Variants in NFATC1 observed in about 807,000 individuals in gnomAD.
NFATC1 encodes nuclear factor of activated T-cells, cytoplasmic 1.
In NFATC1, 22 loss-of-function variants were observed where a neutral mutation model predicts 76.0. That is an observed-to-expected ratio of 0.29 (90% confidence interval 0.21 to 0.41). NFATC1 has a LOEUF of 0.41. Ranked by LOEUF, NFATC1 falls within the 10% of genes least tolerant of loss-of-function variation. The pLI is 1.00. For synonymous variants in NFATC1, 704 were observed against 613.1 expected (o/e 1.15, Z -2.19); for missense variants, 1,357 against 1,337.7 (o/e 1.01, Z -0.23).
At chr18:79,490,468 G>A (rs2089646336) in intron 9 of NFATC1, among the ~76,000 whole-genome samples, 1 of 152,110 alleles carries the variant, frequency 6.6e-6, no homozygotes, top group African/African-American at 2.4e-5. Flanking sequence ...CTCAGTCATG[G>A]TGGGGTAGTC....
intron 7 of NFATC1, among the ~76,000 whole-genome samples, chr18:79,464,682 G>A (rs572189089): frequency 0.091 from 8,877 of 97,168 alleles, 672 homozygotes; most frequent in East Asian, 0.17. Context: ...ATATGTATGT[G>A]TATATATATA....
chr18:79,426,168 C>G (rs1366725539), intron 2 of NFATC1, among the ~76,000 whole-genome samples: 1 of 152,042 alleles, frequency 6.6e-6, no homozygotes, highest in Admixed American at 6.5e-5. Flanking sequence ...GAGCGAGACC[C>G]TGTCTCAGAA....
At chr18:79,427,386 A>G (rs12608069) in intron 2 of NFATC1, among the ~76,000 whole-genome samples, 23,993 of 73,424 alleles carry the variant, frequency 0.33, 3,085 homozygotes, top group African/African-American at 0.5. Context: ...GCCTCTGTGC[A>G]GTGGGTTGGG....
chr18:79,415,021 G>A (rs1410199791), intron 2 of NFATC1, among the ~76,000 whole-genome samples: 1 of 152,152 alleles, frequency 6.6e-6, no homozygotes, highest in Admixed American at 6.5e-5. Context: ...TCATCGTTCG[G>A]CCTCCTCCAC....
At position 79,448,832 on chromosome 18, in the gene NFATC1, G is replaced by A; in HGVS notation, c.1437G>A (p.Gly479=). ...CGCTGATGCTGCAGCTTTTCATTGGGACGGCGGACGACCGCCTGCTGCGCC... is the reference window on the plus strand; with the variant it reads ...CGCTGATGCTGCAGCTTTTCATTGGAACGGCGGACGACCGCCTGCTGCGCC... ...NEPLMLQLFI[G]TADDRLLRPH... is the part of the protein sequence containing the mutation. The change falls in exon 4 of 10, where the codon GGG becomes GGA. Residue 479 remains glycine (G), a synonymous_variant. Coordinates refer to ENST00000427363, the MANE Select transcript of NFATC1 (RefSeq NM_001278669.2). The A allele has an allele frequency of 6.2e-7, 1 of 1,613,892 alleles. No individual in the cohort carries two copies.
At chr18:79,457,173 C>G (rs2087777974) in intron 6 of NFATC1, among the ~76,000 whole-genome samples, 1 of 152,336 alleles carries the variant, frequency 6.6e-6, no homozygotes, top group East Asian at 1.9e-4. Flanking sequence ...GGTGGCCGGG[C>G]TGAACCCCCA....
chr18:79,401,283 G>A (rs1335175152), intron 1 of NFATC1, among the ~76,000 whole-genome samples: 1 of 152,048 alleles, frequency 6.6e-6, no homozygotes, highest in Non-Finnish European at 1.5e-5. Flanking sequence ...TGAAGCCGGA[G>A]GAGCTTGGCA....
chr18:79,402,133 C>T (rs909858543), intron 1 of NFATC1, among the ~76,000 whole-genome samples: 6 of 152,362 alleles, frequency 3.9e-5, no homozygotes, highest in East Asian at 3.9e-4. Flanking sequence ...CGTGACTGTG[C>T]GCGACAGCAG....
intron 8 of NFATC1, among the ~76,000 whole-genome samples, chr18:79,476,405 T>C (rs1228789891): frequency 6.6e-6 from 1 of 152,226 alleles, no homozygotes; most frequent in East Asian, 1.9e-4. Flanking sequence ...ACCGATGTGT[T>C]TTGGCTTGTG....
intron 8 of NFATC1, among the ~76,000 whole-genome samples, chr18:79,477,309 C>T (rs2089112961): frequency 6.6e-6 from 1 of 152,222 alleles, no homozygotes; most frequent in African/African-American, 2.4e-5. Context: ...TTGTCCAGTA[C>T]TGTAGTGCAT....
intron 2 of NFATC1, among the ~76,000 whole-genome samples, chr18:79,416,872 A>C (rs1402320383): frequency 6.6e-6 from 1 of 152,166 alleles, no homozygotes; most frequent in African/African-American, 2.4e-5. Flanking sequence ...GAGCTAGACA[A>C]GCCTCAGCTG....
At chr18:79,456,790 G>A (rs1231169774) in intron 6 of NFATC1, among the ~76,000 whole-genome samples, 1 of 152,192 alleles carries the variant, frequency 6.6e-6, no homozygotes, top group African/African-American at 2.4e-5. Context: ...TGGACCCGGG[G>A]GATGGCTGCC....
At chr18:79,481,049 G>A (rs947098427) in intron 8 of NFATC1, among the ~76,000 whole-genome samples, 4 of 152,240 alleles carry the variant, frequency 2.6e-5, no homozygotes, top group African/African-American at 9.6e-5. Context: ...GCCCACCGGC[G>A]TCTCACTCCC....
intron 9 of NFATC1, among the ~76,000 whole-genome samples, chr18:79,503,755 C>T (rs1008262131): frequency 6.6e-6 from 1 of 152,210 alleles, no homozygotes; most frequent in African/African-American, 2.4e-5. Context: ...GACGGCATCT[C>T]CAATAGAAGG....
chr18:79,405,446 A>G (rs115958530), intron 1 of NFATC1, among the ~76,000 whole-genome samples: 141 of 152,370 alleles, frequency 9.3e-4, no homozygotes, highest in African/African-American at 3.3e-3. Flanking sequence ...TTTTCCCTTC[A>G]TGTAAATATG....
At chr18:79,502,986 A>G (rs1330262495) in intron 9 of NFATC1, among the ~76,000 whole-genome samples, 1 of 152,238 alleles carries the variant, frequency 6.6e-6, no homozygotes, top group African/African-American at 2.4e-5. Flanking sequence ...ATTCAAGGAA[A>G]CAGATGCACA....
At chr18:79,495,020 A>G (rs1034276799) in intron 9 of NFATC1, among the ~76,000 whole-genome samples, 3 of 152,230 alleles carry the variant, frequency 2.0e-5, no homozygotes, top group East Asian at 1.9e-4. Flanking sequence ...CATGGAGCCC[A>G]TGGCTGGAGA....
intron 2 of NFATC1, among the ~76,000 whole-genome samples, chr18:79,418,752 C>T (rs1024551086): frequency 6.6e-6 from 1 of 152,208 alleles, no homozygotes; most frequent in Non-Finnish European, 1.5e-5. Context: ...GGTTTTCTGC[C>T]TGCGTTGTTT....
intron 9 of NFATC1, among the ~76,000 whole-genome samples, chr18:79,491,560 C>T (rs1342038988): frequency 6.6e-6 from 1 of 152,236 alleles, no homozygotes; most frequent in Non-Finnish European, 1.5e-5. Context: ...CAGGGACCTC[C>T]TGGCCAGCCC....
Sources: gnomAD v4.1 joint callset for allele counts (sites outside exome capture counted in the v4.1 genomes callset) on GRCh38, gnomAD v4.1.1 for gene constraint, MANE v1.5 for transcripts, NCBI Gene and HGNC (gene_info 2026-07-23, HGNC 2026-07-21) for gene names.